OSBPL3: variants seen among roughly 807,000 people sequenced by gnomAD.
OSBPL3 encodes oxysterol binding protein like 3.
Under a neutral mutation model 120.1 loss-of-function variants are expected in OSBPL3, and 65 were observed. The ratio of observed to expected loss-of-function variants is 0.54; its 90% CI spans 0.44 to 0.67. The LOEUF (loss-of-function observed/expected upper bound fraction) is 0.67, where lower values mean the gene tolerates loss of function less well. OSBPL3 is among the 30% of genes least tolerant of loss of function. OSBPL3 has a pLI of 0.00. For missense variants in OSBPL3, 1,004 were observed against 1,082.1 expected (o/e 0.93, Z 1.01); for synonymous variants, 416 against 402.6 (o/e 1.03, Z -0.40).
At chr7:24,826,886 C>T (rs1180747813) in intron 16 of OSBPL3, among the ~76,000 whole-genome samples, 1 of 152,164 alleles carries the variant, frequency 6.6e-6, no homozygotes, top group African/African-American at 2.4e-5. Flanking sequence ...ATGACTTCCA[C>T]TTGCCTGGCT....
chr7:24,970,962 C>A (rs1435516381), intron 1 of OSBPL3, among the ~76,000 whole-genome samples: 1 of 152,192 alleles, frequency 6.6e-6, no homozygotes, highest in East Asian at 1.9e-4. Context: ...AAGTAAAAGC[C>A]TTTAGAAAAC....
At chr7:24,909,783 C>CTTTTTTTTTTTT (rs10591188) in intron 1 of OSBPL3, among the ~76,000 whole-genome samples, 1 of 77,294 alleles carries the variant, frequency 1.3e-5, no homozygotes, top group Non-Finnish European at 2.3e-5. Context: ...TTTTTTCTTT[C>CTTTTTTTTTTTT]TTTTTTTTTT....
intron 9 of OSBPL3, among the ~76,000 whole-genome samples, 186 bp from the exon 10 acceptor site, chr7:24,861,955 C>G (rs935496775): frequency 8.6e-5 from 13 of 151,006 alleles, no homozygotes; most frequent in African/African-American, 2.9e-4. Context: ...GGCACAATCT[C>G]CGCTCACTGC....
At chr7:24,934,650 C>G (rs1157329390) in intron 1 of OSBPL3, among the ~76,000 whole-genome samples, 1 of 152,124 alleles carries the variant, frequency 6.6e-6, no homozygotes, top group Non-Finnish European at 1.5e-5. Flanking sequence ...ACGGCTTTAT[C>G]CTTTAAATAA....
Position 24,900,180 on chromosome 7 carries a change from C to T in OSBPL3, c.-149-7559G>A, listed in dbSNP as rs754803983. ...ACAAAATCAGGAACTGAGAGGGGGA[C>T]CCTGGGATCTGTTTTTCACAAGTTC... On this transcript the variant is annotated intron_variant, in intron 1 of 22. Transcript: ENST00000313367. This position sits in a 1 kb window ranked among gnomAD's most constrained non-coding sequence, Gnocchi z 4.5. Among the ~76,000 whole-genome samples the T allele has an allele frequency of 1.3e-5, 2 of 152,190 alleles. No individual in the cohort carries two copies. Among genetic ancestry groups the T allele is most frequent in the Non-Finnish European group, 2.9e-5 (2 of 68,040 alleles).
In OSBPL3 at chr7:24,918,547, T is replaced by C. The variant is rs1810004082; in HGVS notation, c.-149-25926A>G. Among the ~76,000 whole-genome samples, 1 of 152,230 alleles carries C rather than the reference T, an allele frequency of 6.6e-6. No individual in the cohort carries two copies. The highest frequency in any genetic ancestry group is 1.9e-4 in the East Asian group (1 of 5,202). ...TAATTAAATATTCACACAACTGTTA[T>C]GTGGGCTTACTTAGAAACATATGTA... On this transcript the variant is annotated intron_variant, in intron 1 of 22. Transcript: ENST00000313367. This position sits in a 1 kb window ranked among gnomAD's most constrained non-coding sequence, Gnocchi z 4.3.
intron 1 of OSBPL3, among the ~76,000 whole-genome samples, chr7:24,927,764 T>C (rs1811240742): frequency 6.6e-6 from 1 of 152,182 alleles, no homozygotes; most frequent in Non-Finnish European, 1.5e-5. Flanking sequence ...TAAAAATATT[T>C]TACACTTTAT....
intron 1 of OSBPL3, among the ~76,000 whole-genome samples, chr7:24,907,907 A>G (rs1424149794): frequency 6.6e-6 from 1 of 152,244 alleles, no homozygotes; most frequent in Non-Finnish European, 1.5e-5. Flanking sequence ...AAAGACTGGT[A>G]GCAATCTTTG....
chr7:24,971,447 A>G (rs1817016245), intron 1 of OSBPL3, among the ~76,000 whole-genome samples: 1 of 152,196 alleles, frequency 6.6e-6, no homozygotes, highest in Non-Finnish European at 1.5e-5. Context: ...ACCACAACAA[A>G]GCTGTATGCA....
rs775392636 is a variant in OSBPL3 at position 24,831,591 on chromosome 7, G to A, written c.1747-686C>T. ...GCAGCCCTTACTGTGAGGTCTTGGC[G>A]TCTTTAGCAATTCCCCGTCAGGGCA... On this transcript the variant is annotated intron_variant, in intron 15 of 22. Transcript: ENST00000313367. The surrounding 1 kb of genome is among the most constrained non-coding windows in gnomAD (Gnocchi z 4.0). 3.9e-5 allele frequency among the ~76,000 whole-genome samples: 6 copies of A among 152,196 alleles called. No homozygotes were observed. Among genetic ancestry groups the A allele is most frequent in the South Asian group, 2.1e-4 (1 of 4,824 alleles).
rs141180296 is a variant in OSBPL3 at position 24,820,514 on chromosome 7, T to TA, written c.1885-277dup. ...GCGGCCAGGTGGCGAGTGATGAGGA[T>TA]AGAGGCGCATTTTGAAAGACATAAA... On this transcript the variant is annotated intron_variant, in intron 16 of 22. Transcript: ENST00000313367. The surrounding 1 kb of genome is among the most constrained non-coding windows in gnomAD (Gnocchi z 4.6). Among the ~76,000 whole-genome samples the TA allele has an allele frequency of 0.031, 4,781 of 152,184 alleles. 151 individuals carry two copies. The highest frequency in any genetic ancestry group is 0.083 in the African/African-American group (3,436 of 41,508).
rs575776035 is a variant in OSBPL3, at chr7:24,857,191, T to C, written c.1027+4422A>G. Among the ~76,000 whole-genome samples the C allele has an allele frequency of 2.6e-5, 4 of 152,292 alleles. No individual in the cohort carries two copies. The East Asian group carries it at 5.8e-4, about 22-fold the overall frequency. Reference sequence around the variant, plus strand: ...GGGAAAGAATCCAGAAAGAAAAGAATAGGTAAATACAGTTTTGACTTTGTT... The same window carrying C: ...GGGAAAGAATCCAGAAAGAAAAGAACAGGTAAATACAGTTTTGACTTTGTT... On this transcript the variant is annotated intron_variant, in intron 10 of 22. Coordinates refer to ENST00000313367, the MANE Select transcript of OSBPL3 (RefSeq NM_015550.4).
Position 24,933,503 on chromosome 7 carries a change from G to A in OSBPL3, c.-149-40882C>T, listed in dbSNP as rs1812039408. Among the ~76,000 whole-genome samples the A allele has an allele frequency of 6.6e-6, 1 of 152,020 alleles. No individual in the cohort carries two copies. The highest frequency in any genetic ancestry group is 2.4e-5 in the African/African-American group (1 of 41,394). On this transcript the variant is annotated intron_variant, in intron 1 of 22. Coordinates refer to ENST00000313367, the MANE Select transcript of OSBPL3 (RefSeq NM_015550.4). The surrounding 1 kb of genome is among the most constrained non-coding windows in gnomAD (Gnocchi z 5.1). ...AACAAAAAAAATCCAGAAAAACATC[G>A]AGAAAACTTTATTAACAGTCTCAAG...
chr7:24,948,114 G>T (rs998341065), intron 1 of OSBPL3, among the ~76,000 whole-genome samples: 1 of 152,076 alleles, frequency 6.6e-6, no homozygotes, highest in Non-Finnish European at 1.5e-5. Context: ...ACAGAGAAAC[G>T]GTCTCCCTTG....
Position 24,891,860 on chromosome 7 carries a change from C to G in OSBPL3, c.96+517G>C, listed in dbSNP as rs1220382036. Among the ~76,000 whole-genome samples, 1 of 152,060 alleles carries G rather than the reference C, an allele frequency of 6.6e-6. No homozygotes were observed. Among genetic ancestry groups the G allele is most frequent in the African/African-American group, 2.4e-5 (1 of 41,384 alleles). On this transcript the variant is annotated intron_variant, in intron 2 of 22. Transcript: ENST00000313367. This position sits in a 1 kb window ranked among gnomAD's most constrained non-coding sequence, Gnocchi z 4.1. ...TTATAGATATAAAGCAGGTGAGTCT[C>G]GAAGCTACTAACAGGGCAATCTGTG... is the stretch of plus-strand genomic sequence containing the variant.
At chr7:24,861,521 C>A (rs1267487135) in intron 10 of OSBPL3, 92 bp downstream of exon 10, 1 of 776,126 alleles carries the variant, frequency 1.3e-6, no homozygotes, top group Non-Finnish European at 2.0e-6. Context: ...GAAAATGAAC[C>A]AACTAAGATA....
chr7:24,865,216 C>A (rs1357389709), intron 7 of OSBPL3, 126 bp downstream of exon 7: 1 of 1,011,604 alleles, frequency 9.9e-7, no homozygotes, highest in Non-Finnish European at 1.5e-6. Context: ...GCAACCTTTA[C>A]AAGCAAAATA....
intron 1 of OSBPL3, among the ~76,000 whole-genome samples, chr7:24,970,444 C>G (rs769975101): frequency 6.6e-6 from 1 of 152,182 alleles, no homozygotes; most frequent in African/African-American, 2.4e-5. Context: ...ATGTGCCCTT[C>G]AAGATGTGTC....
At chr7:24,931,372 G>C (rs1811768426) in intron 1 of OSBPL3, among the ~76,000 whole-genome samples, 1 of 152,162 alleles carries the variant, frequency 6.6e-6, no homozygotes, top group African/African-American at 2.4e-5. Context: ...TATGGCAAAA[G>C]GGACTTCTCA....
Sources: allele counts gnomAD v4.1 joint callset (sites outside exome capture counted in the v4.1 genomes callset), GRCh38; gene constraint gnomAD v4.1.1; non-coding constraint Gnocchi (gnomAD v3.1); transcripts MANE v1.5; gene names NCBI Gene and HGNC (gene_info 2026-07-23, HGNC 2026-07-21).